Variants in CTPS2 observed in about 807,000 individuals in gnomAD.
CTPS2 encodes CTP synthase II.
A neutral mutation model predicts 46.8 loss-of-function variants in CTPS2; 19 were observed. That is an observed-to-expected ratio of 0.41 (90% confidence interval 0.28 to 0.60). The LOEUF is 0.60. Among genes scored for constraint, CTPS2 ranks in the 20% least tolerant of loss-of-function variants. The probability of loss-of-function intolerance (pLI) is 0.35; values close to 1 mark genes in which losing one functional copy is unlikely to be tolerated. For synonymous variants in CTPS2, 151 were observed against 165.2 expected (o/e 0.91, Z 0.66); for missense variants, 286 against 447.6 (o/e 0.64, Z 3.26).
intron 14 of CTPS2, among the ~76,000 whole-genome samples, chrX:16,628,788 C>T (rs1931304205): frequency 8.9e-6 from 1 of 111,885 alleles, no homozygotes; most frequent in South Asian, 3.7e-4. Flanking sequence ...TAGAAATAAC[C>T]TTGCAAGAGC....
intron 14 of CTPS2, among the ~76,000 whole-genome samples, chrX:16,625,325 G>T (rs762211848): frequency 4.4e-5 from 5 of 112,563 alleles, no homozygotes; most frequent in Non-Finnish European, 7.5e-5. Context: ...CTTCAAGGAG[G>T]TATCGATAAA....
chrX:16,709,660 C>T (rs1296061562), intron 1 of CTPS2, among the ~76,000 whole-genome samples: 1 of 108,509 alleles, frequency 9.2e-6, no homozygotes, highest in African/African-American at 3.3e-5. Context: ...ACCATCCTGG[C>T]CAACATGGTT....
intron 10 of CTPS2, 77 bp from the exon 11 acceptor site, chrX:16,670,751 A>G: frequency 1.5e-6 from 1 of 658,315 alleles, no homozygotes; most frequent in Admixed American, 3.1e-5. Flanking sequence ...CATTCGTGCA[A>G]TGCTTGGTCC....
intron 10 of CTPS2, among the ~76,000 whole-genome samples, chrX:16,676,005 T>A (rs1922236765): frequency 8.9e-6 from 1 of 112,637 alleles, no homozygotes; most frequent in African/African-American, 3.2e-5. Flanking sequence ...TAAAGTATAC[T>A]CCTGTGAACA....
chrX:16,709,848 CAAAAAAAAAAAAAA>C (rs35017705), intron 1 of CTPS2, among the ~76,000 whole-genome samples: 1 of 23,754 alleles, frequency 4.2e-5, no homozygotes, highest in African/African-American at 1.8e-4. Flanking sequence ...ACTCTGTCTC[CAAAAAAAAAAAAAA>C]AAAAAAAAAA....
intron 2 of CTPS2, among the ~76,000 whole-genome samples, chrX:16,700,991 C>A (rs1194736849): frequency 8.9e-6 from 1 of 111,802 alleles, no homozygotes; most frequent in Admixed American, 9.6e-5. Context: ...ACAGGACTTT[C>A]TGTTTTAAAA....
intron 13 of CTPS2, chrX:16,650,286 T>G (rs965429235): frequency 1.2e-4 from 13 of 111,112 alleles, no homozygotes; most frequent in Non-Finnish European, 1.9e-5. Context: ...TGAAAGATAA[T>G]GGTCTGGAGA....
At chrX:16,684,509 C>CAAAAAA (rs1334791360) in intron 8 of CTPS2, among the ~76,000 whole-genome samples, 99 of 69,463 alleles carry the variant, frequency 1.4e-3, no homozygotes, top group Non-Finnish European at 2.0e-3. Flanking sequence ...ACTCTGTCTC[C>CAAAAAA]AAAAAAAAAA....
At chrX:16,701,315 G>C (rs975161222) in intron 2 of CTPS2, among the ~76,000 whole-genome samples, 2 of 111,283 alleles carry the variant, frequency 1.8e-5, no homozygotes, top group African/African-American at 6.5e-5. Flanking sequence ...CCACCACTTT[G>C]GGAGGCCGAG....
chrX:16,610,824 A>G, intron 16 of CTPS2, among the ~76,000 whole-genome samples: 1 of 112,589 alleles, frequency 8.9e-6, no homozygotes, highest in East Asian at 2.8e-4. Context: ...GATAAAGAAA[A>G]TGTGGCACAT....
chrX:16,671,267 G>A (rs781385014), intron 10 of CTPS2, among the ~76,000 whole-genome samples: 2 of 111,015 alleles, frequency 1.8e-5, no homozygotes, highest in East Asian at 5.7e-4. Context: ...AAGACATGTG[G>A]AAAATATCAT....
At chrX:16,643,499 G>A (rs73630559) in intron 13 of CTPS2, among the ~76,000 whole-genome samples, 72 of 111,219 alleles carry the variant, frequency 6.5e-4, no homozygotes, top group African/African-American at 2.3e-3. Context: ...GAGCCACCAC[G>A]CCCGGCCTCC....
intron 13 of CTPS2, among the ~76,000 whole-genome samples, chrX:16,656,427 T>G (rs1374727268): frequency 9.1e-6 from 1 of 110,415 alleles, no homozygotes; most frequent in Non-Finnish European, 1.9e-5. Context: ...TTTTTTTTTT[T>G]GAGACGAAGT....
chrX:16,709,046 T>C (rs1356677216), intron 1 of CTPS2, among the ~76,000 whole-genome samples: 1 of 107,114 alleles, frequency 9.3e-6, no homozygotes, highest in Non-Finnish European at 1.9e-5. Flanking sequence ...GAGGCAGAGG[T>C]TGTAGTGAAC....
At chrX:16,651,156 G>T (rs764711364) in intron 13 of CTPS2, 22 of 811,936 alleles carry the variant, frequency 2.7e-5, no homozygotes, top group Non-Finnish European at 3.4e-5. Flanking sequence ...GTGGCCATCC[G>T]CAGAGCCCAC....
At chrX:16,638,602 A>G (rs1931882757) in intron 14 of CTPS2, 1 of 145,170 alleles carries the variant, frequency 6.9e-6, no homozygotes, top group African/African-American at 3.2e-5. Context: ...ATTAGAATTA[A>G]CCTTATGGGG....
chrX:16,679,303 A>C (rs1042414475), intron 9 of CTPS2, among the ~76,000 whole-genome samples: 3 of 111,259 alleles, frequency 2.7e-5, no homozygotes, highest in Non-Finnish European at 5.7e-5. Flanking sequence ...GGTTGCAGTG[A>C]GCTTAGATTG....
intron 10 of CTPS2, among the ~76,000 whole-genome samples, chrX:16,673,638 G>A (rs1036417833): frequency 1.8e-5 from 2 of 111,483 alleles, no homozygotes; most frequent in African/African-American, 6.5e-5. Flanking sequence ...ATCAAGTATT[G>A]TGTAAGAAAA....
chrX:16,641,038 A>G (rs1016015618), intron 13 of CTPS2, among the ~76,000 whole-genome samples: 2 of 111,768 alleles, frequency 1.8e-5, no homozygotes, highest in African/African-American at 6.5e-5. Context: ...TCTTGTTCCT[A>G]TCTTTGGTTA....
Sources: allele counts gnomAD v4.1 joint callset (sites outside exome capture counted in the v4.1 genomes callset), GRCh38; gene constraint gnomAD v4.1.1; transcripts MANE v1.5; gene names NCBI Gene and HGNC (gene_info 2026-07-23, HGNC 2026-07-21).